Variants in GPM6B observed in about 807,000 individuals in gnomAD.
GPM6B encodes the protein glycoprotein M6B, also known as neuronal membrane glycoprotein M6-b.
GPM6B carries 4 observed loss-of-function variants against 27.2 expected under a neutral mutation model. That is an observed-to-expected ratio of 0.15 (90% confidence interval 0.07 to 0.34). GPM6B has a LOEUF of 0.34. GPM6B is among the 10% of genes least tolerant of loss of function. GPM6B has a pLI of 1.00. For missense variants in GPM6B, 183 were observed against 261.9 expected, an observed-to-expected ratio of 0.70 and a Z score of 2.08; for synonymous variants, 124 against 103.1, an observed-to-expected ratio of 1.20 and a Z score of -1.23.
At chrX:13,904,923 C>T (rs2050314262) in intron 1 of GPM6B, among the ~76,000 whole-genome samples, 1 of 110,648 alleles carries the variant, frequency 9.0e-6, no homozygotes, top group African/African-American at 3.3e-5. Flanking sequence ...TCCTCCAGTT[C>T]AGGCCCACAT....
At chrX:13,891,007 G>C (rs1218625298) in intron 1 of GPM6B, among the ~76,000 whole-genome samples, 1 of 111,266 alleles carries the variant, frequency 9.0e-6, no homozygotes, top group Non-Finnish European at 1.9e-5. Context: ...ATCTCTGAGG[G>C]TGGGGCTCTG....
chrX:13,891,293 C>A lies in GPM6B; in HGVS notation c.-198+47034G>T, dbSNP rs186810806. 2.7e-5 allele frequency among the ~76,000 whole-genome samples: 3 copies of A among 110,990 alleles called. No individual in the cohort carries two copies. In the Admixed American group the frequency reaches 2.9e-4, roughly 11 times the overall value. ...AATCAGAATCTGCATATTAACCAGACCCCCAGGTGATTCAAATACATTTTA... is the reference window on the plus strand; with the variant it reads ...AATCAGAATCTGCATATTAACCAGAACCCCAGGTGATTCAAATACATTTTA... On this transcript the variant is annotated intron_variant, in intron 1 of 6. Transcript: ENST00000398361.
intron 1 of GPM6B, among the ~76,000 whole-genome samples, chrX:13,853,026 A>C (rs995100970): frequency 1.3e-4 from 14 of 111,210 alleles, no homozygotes; most frequent in Non-Finnish European, 2.6e-4. Context: ...ATCCTGGATC[A>C]AAGGGTCAAT....
At position 13,866,122 on chromosome X, in the gene GPM6B, G is replaced by T. The variant is rs192184776; in HGVS notation, c.-198+72205C>A. ...CTCACGCCTGTAATCCCAGCACTTT[G>T]AGAGGCTGAGGCTGGCGGATCACCT... is the stretch of plus-strand genomic sequence containing the variant. On this transcript the variant is annotated intron_variant, in intron 1 of 6. Transcript: ENST00000398361. 4.5e-5 allele frequency among the ~76,000 whole-genome samples: 5 copies of T among 112,128 alleles called. No homozygotes were observed. In the East Asian group the frequency reaches 1.4e-3, roughly 32 times the overall value.
chrX:13,876,368 A>T (rs1298209895), intron 1 of GPM6B, among the ~76,000 whole-genome samples: 1 of 112,533 alleles, frequency 8.9e-6, no homozygotes, highest in Admixed American at 9.4e-5. Flanking sequence ...AGGAAGACAC[A>T]TAAGTGAACG....
chrX:13,816,928 C>T lies in GPM6B; in HGVS notation c.-24G>A, dbSNP rs1371011504. 3 of 1,184,141 alleles carry T rather than the reference C, an allele frequency of 2.5e-6. No individual in the cohort carries two copies. In the Middle Eastern group the frequency reaches 7.4e-4, roughly 292 times the overall value. ...ATACCATCCACCAAAAATGCTTTTC[C>T]CCCTGTTCCCCCCAACACACACTTG... is the stretch of plus-strand genomic sequence containing the variant. On this transcript the variant is annotated 5_prime_UTR_variant, in exon 1 of 8. Coordinates refer to ENST00000316715, the MANE Select transcript of GPM6B (RefSeq NM_001001995.3).
At chrX:13,843,698 C>T (rs914943896) in intron 1 of GPM6B, among the ~76,000 whole-genome samples, 1 of 112,297 alleles carries the variant, frequency 8.9e-6, no homozygotes, top group Non-Finnish European at 1.9e-5. Flanking sequence ...TGATGTTGAA[C>T]ATCTTTCATA....
At chrX:13,814,383 A>ACT (rs1046006374) in intron 1 of GPM6B, among the ~76,000 whole-genome samples, 2 of 111,852 alleles carry the variant, frequency 1.8e-5, no homozygotes, top group Non-Finnish European at 3.8e-5. Flanking sequence ...TGCATAAAAA[A>ACT]CTCTGCGTAA....
Position 13,860,332 on chromosome X carries a change from T to C in GPM6B, c.-197-74524A>G, listed in dbSNP as rs1258084123. Among the ~76,000 whole-genome samples the C allele has an allele frequency of 3.6e-5, 4 of 111,154 alleles. No individual in the cohort carries two copies. The South Asian group carries it at 1.1e-3, about 31-fold the overall frequency. On this transcript the variant is annotated intron_variant, in intron 1 of 6. Transcript: ENST00000398361. ...ATATGACTGTCATTTAAAATGTACA[T>C]GAAGGTTATAACACTCTTTGGTATG...
intron 1 of GPM6B, among the ~76,000 whole-genome samples, chrX:13,934,874 G>A (rs1921749107): frequency 9.0e-6 from 1 of 111,459 alleles, no homozygotes; most frequent in African/African-American, 3.3e-5. Context: ...GCAGGCACCA[G>A]GGCCTCTCTG....
chrX:13,810,260 G>A (rs766805358), intron 1 of GPM6B, among the ~76,000 whole-genome samples: 2 of 112,232 alleles, frequency 1.8e-5, no homozygotes, highest in South Asian at 7.4e-4. Context: ...AAAACAGAAG[G>A]TCAAGGCACT....
intron 1 of GPM6B, among the ~76,000 whole-genome samples, chrX:13,892,255 T>G (rs1334201478): frequency 8.9e-6 from 1 of 111,770 alleles, no homozygotes; most frequent in East Asian, 2.8e-4. Context: ...GTATCAAGAA[T>G]CTCCTAGGCA....
At chrX:13,908,718 A>G (rs1311338818) in intron 1 of GPM6B, among the ~76,000 whole-genome samples, 1 of 112,782 alleles carries the variant, frequency 8.9e-6, no homozygotes, top group African/African-American at 3.2e-5. Context: ...GAAACTTTGT[A>G]CTATTTTTAT....
intron 1 of GPM6B, among the ~76,000 whole-genome samples, chrX:13,810,546 C>T (rs1374982910): frequency 4.5e-5 from 5 of 111,026 alleles, no homozygotes; most frequent in African/African-American, 1.6e-4. Flanking sequence ...CCAGGCCATG[C>T]AATTCAGGGT....
intron 1 of GPM6B, among the ~76,000 whole-genome samples, chrX:13,870,076 T>C (rs184485319): frequency 8.9e-6 from 1 of 112,134 alleles, no homozygotes; most frequent in Admixed American, 9.5e-5. Context: ...TTGTCTGCTG[T>C]TTCCTCATGA....
At chrX:13,862,680 T>C (rs977329006) in intron 1 of GPM6B, among the ~76,000 whole-genome samples, 1 of 111,352 alleles carries the variant, frequency 9.0e-6, no homozygotes. Context: ...TGTGGAAATA[T>C]TCTTTACTAT....
At chrX:13,778,732 CTTACTT>C (rs1018484767) in intron 5 of GPM6B, among the ~76,000 whole-genome samples, 6 of 111,875 alleles carry the variant, frequency 5.4e-5, no homozygotes, top group Non-Finnish European at 9.4e-5. Context: ...TGGCAAAACA[CTTACTT>C]TTAAGGAATA....
At chrX:13,898,185 A>G (rs1300551165) in intron 1 of GPM6B, among the ~76,000 whole-genome samples, 1 of 111,001 alleles carries the variant, frequency 9.0e-6, no homozygotes, top group Non-Finnish European at 1.9e-5. Flanking sequence ...GGGCCAGATA[A>G]TTCTTTCTGA....
At chrX:13,837,477 C>CG (rs754825516) in intron 1 of GPM6B, among the ~76,000 whole-genome samples, 12 of 110,923 alleles carry the variant, frequency 1.1e-4, no homozygotes, top group African/African-American at 2.3e-4. Context: ...CCCGCAGACC[C>CG]AGGGGGGCTT....
Sources: gnomAD v4.1 joint callset for allele counts (sites outside exome capture counted in the v4.1 genomes callset) on GRCh38, gnomAD v4.1.1 for gene constraint, MANE v1.5 for transcripts, NCBI Gene and HGNC (gene_info 2026-07-23, HGNC 2026-07-21) for gene names.